The following JHY variants were observed in gnomAD, a reference collection of about 807,000 sequenced individuals.
JHY encodes the protein jhy protein homolog.
In JHY, 69 loss-of-function variants were observed where a neutral mutation model predicts 78.0. That is an observed-to-expected ratio of 0.88 (90% CI 0.73 to 1.08). The LOEUF (loss-of-function observed/expected upper bound fraction) is 1.08, where lower values mean the gene tolerates loss of function less well. JHY is among the 50% of genes least tolerant of loss of function. The pLI, the probability that JHY is intolerant of heterozygous loss-of-function variation, is 0.00. For missense variants in JHY, 944 were observed against 927.8 expected, an observed-to-expected ratio of 1.02 and a Z score of -0.23; for synonymous variants, 368 against 342.6, an observed-to-expected ratio of 1.07 and a Z score of -0.82.
chr11:122,892,616 C>CT (rs1343990715), intron 2 of JHY, among the ~76,000 whole-genome samples: 2 of 152,156 alleles, frequency 1.3e-5, no homozygotes, highest in Admixed American at 1.3e-4. Context: ...GCCACCGCGC[C>CT]TGGCCAATAA....
At chr11:122,905,685 T>A (rs570355516) in intron 3 of JHY, 446 of 700,930 alleles carry the variant, frequency 6.4e-4, no homozygotes, top group Non-Finnish European at 7.5e-4. Context: ...CTGGCCAACA[T>A]GGTGAAACCC....
At chr11:122,884,135 T>C (rs987990674) in intron 1 of JHY, among the ~76,000 whole-genome samples, 2 of 152,172 alleles carry the variant, frequency 1.3e-5, no homozygotes, top group African/African-American at 4.8e-5. Flanking sequence ...GTCTGTAATA[T>C]TAGAGAATAA....
chr11:122,939,515 C>T (rs114596480), intron 5 of JHY, among the ~76,000 whole-genome samples: 1 of 152,062 alleles, frequency 6.6e-6, no homozygotes, highest in South Asian at 2.1e-4. Context: ...TTGCTCTTTT[C>T]CCCCCATTTT....
intron 4 of JHY, among the ~76,000 whole-genome samples, chr11:122,927,667 C>T (rs1863537375): frequency 2.0e-5 from 3 of 152,262 alleles, no homozygotes; most frequent in Non-Finnish European, 4.4e-5. Context: ...TGGCTCAGGG[C>T]CTGCCATATT....
Position 122,885,979 on chromosome 11 carries a change from G to T in JHY, c.130G>T (p.Glu44Ter), listed in dbSNP as rs1565302276. The stretch of plus-strand genomic sequence containing the variant: ...ACATCGGATTTCAAAAGACTCCTTG[G>T]AATCTGATTCAGAAAGCCTCACGCA... ...DLHRISKDSL[E>*]SDSESLTQEI... is the part of the protein sequence containing the mutation. Residue 44 changes from glutamate to a stop codon, truncating the protein, a stop_gained, in exon 2 of 9, where the codon GAA becomes TAA. Transcript: ENST00000227349. LOFTEE classifies it high-confidence loss of function. 2 of 1,614,116 alleles carry T rather than the reference G, an allele frequency of 1.2e-6. No individual in the cohort carries two copies. The highest frequency in any genetic ancestry group is 1.7e-6 in the Non-Finnish European group (2 of 1,180,018).
rs1463479806 is a variant in JHY at position 122,924,186 on chromosome 11, A to G, written c.865-711A>G. Among the ~76,000 whole-genome samples the G allele has an allele frequency of 3.3e-5, 5 of 152,120 alleles. 1 individual carries two copies. Among genetic ancestry groups the G allele is most frequent in the African/African-American group, 1.2e-4 (5 of 41,428 alleles). The stretch of plus-strand genomic sequence containing the variant: ...TCCTCGGTTTTTCTAATATCTAACT[A>G]AAGTTGAGAACCACTGACTTTACAT... On this transcript the variant is annotated intron_variant, in intron 3 of 8. Coordinates refer to ENST00000227349, the MANE Select transcript of JHY (RefSeq NM_024806.4).
At chr11:122,885,680 TACTC>T in intron 1 of JHY, 77 bp from the exon 2 acceptor site, 1 of 588,340 alleles carries the variant, frequency 1.7e-6, no homozygotes, top group East Asian at 2.8e-5. Flanking sequence ...AAGGTTCTCT[TACTC>T]ATTTAAATAT....
chr11:122,928,494 TTGAG>T (rs1863560937), intron 4 of JHY, among the ~76,000 whole-genome samples: 1 of 151,770 alleles, frequency 6.6e-6, no homozygotes, highest in Non-Finnish European at 1.5e-5. Flanking sequence ...CAAATATTTA[TTGAG>T]TATCTACTGC....
intron 3 of JHY, among the ~76,000 whole-genome samples, chr11:122,909,694 A>G (rs1879886): frequency 0.97 from 147,843 of 151,934 alleles, 72,034 homozygotes; most frequent in Middle Eastern, 1. Context: ...CAGGAGAATC[A>G]TTTGAACCCA....
chr11:122,959,038 CT>C (rs1864250259), intron 8 of JHY: 3 of 978,800 alleles, frequency 3.1e-6, no homozygotes, highest in African/African-American at 1.8e-5. Context: ...TCTTCAACTC[CT>C]TTTTTTCCAC....
At chr11:122,912,355 G>GT (rs1863149928) in intron 3 of JHY, among the ~76,000 whole-genome samples, 1 of 151,784 alleles carries the variant, frequency 6.6e-6, no homozygotes, top group African/African-American at 2.4e-5. Flanking sequence ...CTCTGAGGAC[G>GT]TATCATTCAA....
At chr11:122,945,947 G>A (rs934157960) in intron 5 of JHY, among the ~76,000 whole-genome samples, 10 of 152,080 alleles carry the variant, frequency 6.6e-5, no homozygotes, top group Non-Finnish European at 2.9e-5. Flanking sequence ...AGCACCTCAA[G>A]TTATAGTCTT....
chr11:122,921,710 C>G (rs574311829), intron 3 of JHY, among the ~76,000 whole-genome samples: 23 of 152,294 alleles, frequency 1.5e-4, no homozygotes, highest in Admixed American at 1.2e-3. Flanking sequence ...TGATAAATAG[C>G]TGGCCTTGGT....
chr11:122,928,298 A>G (rs1409526667), intron 4 of JHY, among the ~76,000 whole-genome samples: 3 of 152,150 alleles, frequency 2.0e-5, no homozygotes, highest in Non-Finnish European at 4.4e-5. Flanking sequence ...ATAGAGCAAG[A>G]CCCTGTCTCT....
intron 3 of JHY, among the ~76,000 whole-genome samples, chr11:122,924,436 T>G (rs1863449451): frequency 6.6e-6 from 1 of 152,202 alleles, no homozygotes. Context: ...AAGGTGGTTG[T>G]GAGGATTACC....
intron 3 of JHY, chr11:122,905,040 G>A (rs60603783): frequency 1.3e-6 from 1 of 744,896 alleles, no homozygotes; most frequent in East Asian, 2.7e-5. Flanking sequence ...TCAATCTTCA[G>A]ATGTTTCTAT....
rs183456288 is a variant in JHY, at chr11:122,911,111, G to A, written c.864+6667G>A. 1.4e-3 allele frequency among the ~76,000 whole-genome samples: 211 copies of A among 152,018 alleles called. 1 individual carries two copies. The highest frequency in any genetic ancestry group is 2.8e-3 in the Non-Finnish European group (190 of 68,000). Reference sequence around the variant, plus strand: ...ACTTTGAGTCCATTTGTAATCCACCGTTAAAGGAAACTGTGTTTTGAAAAA... The same window carrying A: ...ACTTTGAGTCCATTTGTAATCCACCATTAAAGGAAACTGTGTTTTGAAAAA... On this transcript the variant is annotated intron_variant, in intron 3 of 8. Transcript: ENST00000227349.
chr11:122,916,401 G>A (rs887027821), intron 3 of JHY, among the ~76,000 whole-genome samples: 5 of 152,140 alleles, frequency 3.3e-5, no homozygotes, highest in Admixed American at 2.0e-4. Flanking sequence ...TTCACTTAAC[G>A]TATATAAATA....
chr11:122,960,995 C>A lies in JHY; in HGVS notation c.*1550C>A. On this transcript the variant is annotated 3_prime_UTR_variant, in exon 9 of 9. Transcript: ENST00000227349. ...AGCACATGATAAATTGGGTGCAGAG[C>A]ATCTCTGCACAACAGGAAAAGGAGA... 1.2e-6 allele frequency: 1 copy of A among 860,448 alleles called. No individual in the cohort carries two copies. Among genetic ancestry groups the A allele is most frequent in the Admixed American group, 1.7e-5 (1 of 57,444 alleles). 53.3% of individuals were successfully genotyped at this position (860,448 alleles called of 1,614,324 possible).
Sources: allele counts gnomAD v4.1 joint callset (sites outside exome capture counted in the v4.1 genomes callset), GRCh38; gene constraint gnomAD v4.1.1; transcripts MANE v1.5; gene names NCBI Gene and HGNC (gene_info 2026-07-23, HGNC 2026-07-21).